The following DPP10 variants were observed in gnomAD, a reference collection of about 807,000 sequenced individuals.
The protein encoded by DPP10 is inactive dipeptidyl peptidase 10.
In DPP10, 33 loss-of-function variants were observed where a neutral mutation model predicts 120.9. The ratio of observed to expected loss-of-function variants is 0.27; its 90% CI spans 0.21 to 0.37. DPP10 has a LOEUF of 0.37. Among genes scored for constraint, DPP10 ranks in the 10% least tolerant of loss-of-function variants. DPP10 has a pLI of 1.00. For synonymous variants in DPP10, 337 were observed against 326.1 expected, an observed-to-expected ratio of 1.03 and a Z score of -0.36; for missense variants, 816 against 942.8, an observed-to-expected ratio of 0.87 and a Z score of 1.76.
intron 1 of DPP10, among the ~76,000 whole-genome samples, chr2:115,190,560 G>A (rs1469638242): frequency 6.6e-6 from 1 of 152,174 alleles, no homozygotes; most frequent in African/African-American, 2.4e-5. Context: ...AGGAATACTC[G>A]CTTTTCCCCC....
intron 8 of DPP10, among the ~76,000 whole-genome samples, chr2:115,738,202 C>T (rs760822130): frequency 2.0e-5 from 3 of 152,124 alleles, no homozygotes; most frequent in African/African-American, 2.4e-5. Flanking sequence ...GTATTGCAGC[C>T]GTGTACCCGT....
In DPP10 at chr2:115,147,466, G is replaced by C. The variant is rs1245803871; in HGVS notation, c.61-161773G>C. 4.6e-5 allele frequency among the ~76,000 whole-genome samples: 7 copies of C among 151,870 alleles called. No individual in the cohort carries two copies. The East Asian group carries it at 1.4e-3, about 29-fold the overall frequency. ...GCTTTAGTAACACCTTTTAGGTCTT[G>C]GTGTACAAGATTCTAAATGGAGATA... On this transcript the variant is annotated intron_variant, in intron 1 of 25. Coordinates refer to ENST00000410059, the MANE Select transcript of DPP10 (RefSeq NM_020868.6).
intron 1 of DPP10, among the ~76,000 whole-genome samples, chr2:114,593,524 C>T (rs1691632056): frequency 6.6e-6 from 1 of 152,188 alleles, no homozygotes. Flanking sequence ...CCGCAAATCT[C>T]CCTCCAAATT....
chr2:114,911,184 T>C (rs1475007506), intron 1 of DPP10, among the ~76,000 whole-genome samples: 1 of 152,214 alleles, frequency 6.6e-6, no homozygotes, highest in Non-Finnish European at 1.5e-5. Flanking sequence ...TTGATTCTTT[T>C]ATGTTCTCTT....
At chr2:115,779,596 G>A (rs75340119) in intron 15 of DPP10, among the ~76,000 whole-genome samples, 28 of 152,180 alleles carry the variant, frequency 1.8e-4, no homozygotes, top group Non-Finnish European at 2.9e-4. Context: ...TTATGGAAGA[G>A]TAGAGAGAAA....
chr2:115,447,012 A>G (rs905796289), intron 3 of DPP10, among the ~76,000 whole-genome samples: 1 of 152,204 alleles, frequency 6.6e-6, no homozygotes. Context: ...TGCACCTGGA[A>G]AAGCTACAGG....
chr2:115,747,784 G>C (rs1341340415), intron 10 of DPP10, among the ~76,000 whole-genome samples: 3 of 151,990 alleles, frequency 2.0e-5, no homozygotes, highest in Non-Finnish European at 4.4e-5. Flanking sequence ...TAGTAGAGAT[G>C]GGGTTTCACT....
At chr2:114,488,051 C>G (rs187409901) in intron 1 of DPP10, among the ~76,000 whole-genome samples, 1 of 152,286 alleles carries the variant, frequency 6.6e-6, no homozygotes, top group East Asian at 1.9e-4. Flanking sequence ...TAATAATTGT[C>G]AAATTCAGAA....
chr2:115,611,473 TAA>T (rs2084096147), intron 5 of DPP10, among the ~76,000 whole-genome samples: 1 of 152,122 alleles, frequency 6.6e-6, no homozygotes, highest in South Asian at 2.1e-4. Context: ...CTTGTTTATG[TAA>T]GAATTTAGTG....
chr2:115,672,668 C>CTT (rs1553475929), intron 5 of DPP10, among the ~76,000 whole-genome samples: 17 of 122,984 alleles, frequency 1.4e-4, no homozygotes, highest in South Asian at 8.4e-4. Context: ...TTCTTTCTTT[C>CTT]TCTCTTTCTT....
intron 1 of DPP10, among the ~76,000 whole-genome samples, chr2:115,117,806 G>A (rs2049599913): frequency 6.6e-6 from 1 of 152,092 alleles, no homozygotes; most frequent in South Asian, 2.1e-4. Flanking sequence ...GAACCTTAAG[G>A]GTCGGGGAGG....
intron 5 of DPP10, among the ~76,000 whole-genome samples, chr2:115,671,565 A>T (rs369533393): frequency 6.6e-6 from 1 of 151,996 alleles, no homozygotes; most frequent in Non-Finnish European, 1.5e-5. Context: ...GTTACATTAA[A>T]TAAAATATAT....
chr2:114,458,897 A>C (rs1261490253), intron 1 of DPP10, among the ~76,000 whole-genome samples: 2 of 152,180 alleles, frequency 1.3e-5, no homozygotes, highest in Non-Finnish European at 2.9e-5. Flanking sequence ...AGTTATTGGG[A>C]AATGTGTTAT....
chr2:115,694,552 G>C (rs1243692187), intron 7 of DPP10, among the ~76,000 whole-genome samples: 2 of 152,202 alleles, frequency 1.3e-5, no homozygotes, highest in Admixed American at 1.3e-4. Flanking sequence ...GCATTATTTG[G>C]AGAAGGTGGT....
intron 1 of DPP10, among the ~76,000 whole-genome samples, chr2:114,755,372 C>A (rs898974576): frequency 1.3e-5 from 2 of 152,180 alleles, no homozygotes; most frequent in African/African-American, 4.8e-5. Flanking sequence ...TGGCTTACTG[C>A]AAACTCATCC....
intron 1 of DPP10, among the ~76,000 whole-genome samples, chr2:114,611,628 A>G (rs1693296628): frequency 6.6e-6 from 1 of 152,248 alleles, no homozygotes; most frequent in African/African-American, 2.4e-5. Context: ...TTTGAAAAAC[A>G]ACTTTTCTAA....
In DPP10 at chr2:114,907,232, T is replaced by A. The variant is rs1694041290; in HGVS notation, c.61-402007T>A. 2.6e-5 allele frequency among the ~76,000 whole-genome samples: 4 copies of A among 152,142 alleles called. No homozygotes were observed. The South Asian group carries it at 8.3e-4, about 31-fold the overall frequency. On this transcript the variant is annotated intron_variant, in intron 1 of 25. Coordinates refer to ENST00000410059, the MANE Select transcript of DPP10 (RefSeq NM_020868.6). ...TGGTCGGTGTAGATAGTGTTTTTAA[T>A]TTATTCATCTTTTCAGAGAACCAAA...
chr2:115,521,605 A>ATTT (rs79361161), intron 4 of DPP10, among the ~76,000 whole-genome samples: 3,615 of 143,526 alleles, frequency 0.025, 94 homozygotes, highest in East Asian at 0.11. Flanking sequence ...TCTAATCCTT[A>ATTT]TTTTTTTTTT....
chr2:115,513,900 C>T (rs2077365194), intron 4 of DPP10, among the ~76,000 whole-genome samples: 1 of 151,984 alleles, frequency 6.6e-6, no homozygotes, highest in South Asian at 2.1e-4. Flanking sequence ...ATTGTCATTT[C>T]ATTTCAGCCT....
Sources: allele counts gnomAD v4.1 joint callset (sites outside exome capture counted in the v4.1 genomes callset), GRCh38; gene constraint gnomAD v4.1.1; transcripts MANE v1.5; gene names NCBI Gene and HGNC (gene_info 2026-07-23, HGNC 2026-07-21).